Variants in ACTR10 observed in about 807,000 individuals in gnomAD.
ACTR10 encodes the protein actin related protein 10.
ACTR10 carries 43 observed loss-of-function variants against 56.2 expected under a neutral mutation model. The observed-to-expected ratio is 0.77, with a 90% CI of 0.60 to 0.99. The LOEUF is 0.99. Among genes scored for constraint, ACTR10 ranks in the 50% least tolerant of loss-of-function variants. The pLI, the probability that ACTR10 is intolerant of heterozygous loss-of-function variation, is 0.00. For missense variants in ACTR10, 466 were observed against 507.8 expected (o/e 0.92, Z 0.79); for synonymous variants, 170 against 176.3 (o/e 0.96, Z 0.28).
chr14:58,215,633 C>CTAGTGTTTGTTCCTTCT (rs1445360722), intron 7 of ACTR10, among the ~76,000 whole-genome samples: 2 of 152,118 alleles, frequency 1.3e-5, no homozygotes, highest in African/African-American at 4.8e-5. Context: ...GACTAGGGAT[C>CTAGTGTTTGTTCCTTCT]TAGTGTTTGT....
intron 5 of ACTR10, among the ~76,000 whole-genome samples, 173 bp downstream of exon 5, chr14:58,211,572 T>G (rs1888996886): frequency 6.6e-6 from 1 of 152,228 alleles, no homozygotes. Context: ...GTTTACTTTT[T>G]GTAGAAGTTA....
chr14:58,220,157 A>G (rs952347938), intron 8 of ACTR10, among the ~76,000 whole-genome samples: 1 of 152,196 alleles, frequency 6.6e-6, no homozygotes, highest in Non-Finnish European at 1.5e-5. Context: ...TATTGCTTCT[A>G]CTTTGCTAGG....
rs746803005 is a variant in ACTR10, at chr14:58,234,585, A to T, written c.*34A>T. 12 of 1,583,432 alleles carry T rather than the reference A, an allele frequency of 7.6e-6. No individual in the cohort carries two copies. The South Asian group carries it at 1.3e-4, about 17-fold the overall frequency. Reference sequence around the variant, plus strand: ...TTAAAAATCAACCTTGCTTCATATCAAATATTTAACCAATTATAAGCAAAT... The same window carrying T: ...TTAAAAATCAACCTTGCTTCATATCTAATATTTAACCAATTATAAGCAAAT... On this transcript the variant is annotated 3_prime_UTR_variant, in exon 13 of 13. Transcript: ENST00000254286.
At chr14:58,218,556 T>C (rs1365062965) in intron 7 of ACTR10, among the ~76,000 whole-genome samples, 2 of 152,050 alleles carry the variant, frequency 1.3e-5, no homozygotes, top group Non-Finnish European at 2.9e-5. Context: ...TTTTGCAATA[T>C]AATTAAATAT....
chr14:58,214,624 G>C (rs1029264383), intron 6 of ACTR10, among the ~76,000 whole-genome samples: 2 of 151,222 alleles, frequency 1.3e-5, no homozygotes, highest in Non-Finnish European at 2.9e-5. Flanking sequence ...CCGAGTAGCT[G>C]GGACTACAGG....
At chr14:58,227,816 TA>T (rs955869876) in intron 10 of ACTR10, among the ~76,000 whole-genome samples, 29 of 152,376 alleles carry the variant, frequency 1.9e-4, no homozygotes, top group Middle Eastern at 3.4e-3. Context: ...CCCAATTTTA[TA>T]AAAAATAGAG....
At chr14:58,232,027 G>C in intron 11 of ACTR10, 39 bp from the exon 12 acceptor site, 2 of 1,424,796 alleles carry the variant, frequency 1.4e-6, no homozygotes, top group Non-Finnish European at 2.0e-6. Flanking sequence ...TATTTGTACA[G>C]TTCAGAATAA....
In ACTR10 at chr14:58,223,852, A is replaced by G. The variant is rs200511373; in HGVS notation, c.784A>G (p.Ile262Val). 2.4e-4 allele frequency: 390 copies of G among 1,600,166 alleles called. 3 individuals carry two copies. The highest frequency in any genetic ancestry group is 4.8e-5 in the Non-Finnish European group (56 of 1,174,618). ...GEKILHILGS[I>V]RDSVVEILFE... is the part of the protein sequence containing the mutation. ...GAAGATTTTACATATCCTTGGATCA[A>G]TCAGGTTAGATCTTAAATTTTTACG... is the stretch of plus-strand genomic sequence containing the variant. The change falls in exon 10 of 13, where the codon ATC becomes GTC. Residue 262 changes from isoleucine (I) to valine (V), a missense_variant. Physicochemically the swap from Ile to Val is conservative, Grantham distance 29 (BLOSUM62 3). Coordinates refer to ENST00000254286, the MANE Select transcript of ACTR10 (RefSeq NM_018477.3).
At position 58,219,736 on chromosome 14, in the gene ACTR10, T is replaced by C. The variant is rs1252234674; in HGVS notation, c.634+7T>C. 6.6e-7 allele frequency: 1 copy of C among 1,516,970 alleles called. No homozygotes were observed. Among genetic ancestry groups the C allele is most frequent in the Non-Finnish European group, 8.8e-7 (1 of 1,130,034 alleles). 94.0% of individuals were successfully genotyped at this position (1,516,970 alleles called of 1,614,324 possible). On this transcript the variant is annotated splice_region_variant and intron_variant, in intron 8 of 12. Coordinates refer to ENST00000254286, the MANE Select transcript of ACTR10 (RefSeq NM_018477.3). Reference sequence around the variant, plus strand: ...GTCTTAGAGGACATTAAAGGTAAACTAAGTTCTCATTTTTGTCCCTTTCAT... The same window carrying C: ...GTCTTAGAGGACATTAAAGGTAAACCAAGTTCTCATTTTTGTCCCTTTCAT...
chr14:58,216,568 G>A lies in ACTR10; in HGVS notation c.598+1284G>A, dbSNP rs543509251. Among the ~76,000 whole-genome samples the A allele has an allele frequency of 7.0e-4, 106 of 152,188 alleles. 3 individuals are homozygous for A. The South Asian group carries it at 0.021, about 30-fold the overall frequency. ...AGTTTGTTCTACCTCTTATCCTTAG[G>A]TCACTAAACTTTATCCTTTGCTCCT... On this transcript the variant is annotated intron_variant, in intron 7 of 12. Coordinates refer to ENST00000254286, the MANE Select transcript of ACTR10 (RefSeq NM_018477.3).
chr14:58,200,771 G>A (rs2140038470), intron 1 of ACTR10, among the ~76,000 whole-genome samples: 1 of 152,328 alleles, frequency 6.6e-6, no homozygotes, highest in East Asian at 1.9e-4. Context: ...GGGAGACTGG[G>A]CACATTAAGA....
intron 10 of ACTR10, among the ~76,000 whole-genome samples, chr14:58,226,359 C>T (rs1394487320): frequency 1.3e-5 from 2 of 151,406 alleles, no homozygotes; most frequent in African/African-American, 2.4e-5. Context: ...ATCCTCCCAC[C>T]TTGCCCTCCC....
intron 1 of ACTR10, among the ~76,000 whole-genome samples, chr14:58,201,905 A>G (rs1312479898): frequency 6.6e-6 from 1 of 150,544 alleles, no homozygotes; most frequent in African/African-American, 2.4e-5. Context: ...TGGGAGGCCA[A>G]GGGGGGAGGA....
At chr14:58,215,151 A>G in intron 6 of ACTR10, 54 bp from the exon 7 acceptor site, 1 of 1,080,230 alleles carries the variant, frequency 9.3e-7, no homozygotes, top group Non-Finnish European at 1.4e-6. Flanking sequence ...AGTATCAAAT[A>G]AGGATATCAG....
intron 2 of ACTR10, among the ~76,000 whole-genome samples, chr14:58,205,877 C>G (rs944941137): frequency 9.2e-5 from 14 of 151,788 alleles, no homozygotes; most frequent in Admixed American, 8.5e-4. Flanking sequence ...CAAATATTAG[C>G]CAGGTGTAGT....
chr14:58,233,506 A>AAT (rs901429413), intron 12 of ACTR10, among the ~76,000 whole-genome samples: 6 of 152,246 alleles, frequency 3.9e-5, no homozygotes, highest in African/African-American at 1.2e-4. Context: ...AATGTATAAA[A>AAT]ATATATATAC....
At chr14:58,211,480 G>A in intron 5 of ACTR10, 81 bp downstream of exon 5, 1 of 1,025,090 alleles carries the variant, frequency 9.8e-7, no homozygotes, top group Non-Finnish European at 1.5e-6. Context: ...TAAATGATTT[G>A]TATTGTACTG....
chr14:58,223,729 T>A, intron 9 of ACTR10, 28 bp downstream of exon 9: 1 of 1,599,842 alleles, frequency 6.3e-7, no homozygotes, highest in Non-Finnish European at 8.5e-7. Context: ...AAAGGCATCT[T>A]TTTGCAAAGG....
chr14:58,228,603 A>G (rs972250189), intron 10 of ACTR10, among the ~76,000 whole-genome samples: 26 of 144,374 alleles, frequency 1.8e-4, no homozygotes, highest in African/African-American at 5.6e-4. Flanking sequence ...CTCAAAAGGG[A>G]AAAAAAAAAA....
Sources: gnomAD v4.1 joint callset for allele counts (sites outside exome capture counted in the v4.1 genomes callset) on GRCh38, gnomAD v4.1.1 for gene constraint, MANE v1.5 for transcripts, NCBI Gene and HGNC (gene_info 2026-07-23, HGNC 2026-07-21) for gene names.